ADAMTSL1: variants seen among roughly 807,000 people sequenced by gnomAD.
The protein encoded by ADAMTSL1 is ADAMTS like 1, also known as ADAMTS-like protein 1.
Under a neutral mutation model 201.8 loss-of-function variants are expected in ADAMTSL1, and 126 were observed. The ratio of observed to expected loss-of-function variants is 0.62; its 90% CI spans 0.54 to 0.72. The LOEUF is 0.72. ADAMTSL1 is among the 30% of genes least tolerant of loss of function. The pLI, the probability that ADAMTSL1 is intolerant of heterozygous loss-of-function variation, is 0.00. For missense variants in ADAMTSL1, 2,679 were observed against 2,277.8 expected, an observed-to-expected ratio of 1.18 and a Z score of -3.59; for synonymous variants, 1,121 against 903.4, an observed-to-expected ratio of 1.24 and a Z score of -4.32.
intron 2 of ADAMTSL1, among the ~76,000 whole-genome samples, chr9:18,393,651 G>A (rs1817625255): frequency 6.6e-6 from 1 of 152,200 alleles, no homozygotes; most frequent in African/African-American, 2.4e-5. Flanking sequence ...GAGGTGGCAA[G>A]GGCTAAGGCA....
intron 2 of ADAMTSL1, among the ~76,000 whole-genome samples, chr9:18,241,113 A>G (rs1831045111): frequency 6.6e-6 from 1 of 152,060 alleles, no homozygotes; most frequent in African/African-American, 2.4e-5. Context: ...TCCTTCAAGA[A>G]CTTTTCCTTT....
intron 5 of ADAMTSL1, among the ~76,000 whole-genome samples, chr9:18,634,372 T>C (rs879667514): frequency 4.6e-5 from 7 of 151,016 alleles, no homozygotes; most frequent in Admixed American, 6.6e-5. Flanking sequence ...AAGACAAGCG[T>C]GGGCAACATG....
intron 13 of ADAMTSL1, among the ~76,000 whole-genome samples, chr9:18,705,272 C>G (rs1230432492): frequency 6.6e-6 from 1 of 152,026 alleles, no homozygotes; most frequent in Non-Finnish European, 1.5e-5. Flanking sequence ...AGCACGACTC[C>G]CTGTGAGAAA....
intron 9 of ADAMTSL1, among the ~76,000 whole-genome samples, chr9:18,662,459 C>A (rs1431339922): frequency 6.6e-6 from 1 of 152,180 alleles, no homozygotes; most frequent in Non-Finnish European, 1.5e-5. Context: ...TATCTCTATT[C>A]CCGATCAGGG....
chr9:18,126,431 CT>C (rs34919474), intron 1 of ADAMTSL1, among the ~76,000 whole-genome samples: 9 of 152,112 alleles, frequency 5.9e-5, no homozygotes, highest in Admixed American at 5.9e-4. Flanking sequence ...GGTCCAATAC[CT>C]TTCTATATGC....
At chr9:18,472,150 A>G (rs1821240384), upstream of ADAMTSL1, among the ~76,000 whole-genome samples, 1 of 152,300 alleles carries the variant, frequency 6.6e-6, no homozygotes, top group Non-Finnish European at 1.5e-5. Context: ...GATAGGAGGG[A>G]AAAAAATAAA....
At chr9:18,256,625 C>T (rs1831699859) in intron 2 of ADAMTSL1, among the ~76,000 whole-genome samples, 2 of 152,190 alleles carry the variant, frequency 1.3e-5, no homozygotes, top group Admixed American at 1.3e-4. Flanking sequence ...ACCAAGGAGC[C>T]AGTGCTATAG....
intron 1 of ADAMTSL1, among the ~76,000 whole-genome samples, chr9:18,007,130 C>A (rs1029422972): frequency 3.3e-5 from 5 of 152,012 alleles, no homozygotes; most frequent in African/African-American, 4.8e-5. Flanking sequence ...AAGGGGAGAT[C>A]AGAATAAACA....
At chr9:18,512,693 T>A (rs1818106517) in intron 2 of ADAMTSL1, among the ~76,000 whole-genome samples, 2 of 152,188 alleles carry the variant, frequency 1.3e-5, no homozygotes, top group Non-Finnish European at 1.5e-5. Context: ...TTCCCCCAGT[T>A]CTATAAATAA....
At chr9:18,630,006 C>T (rs555491477) in intron 5 of ADAMTSL1, among the ~76,000 whole-genome samples, 5 of 151,966 alleles carry the variant, frequency 3.3e-5, no homozygotes, top group African/African-American at 1.2e-4. Context: ...TGTTTCTTTG[C>T]GTGCCTCATT....
At chr9:18,153,897 T>C (rs953320663) in intron 1 of ADAMTSL1, among the ~76,000 whole-genome samples, 16 of 151,956 alleles carry the variant, frequency 1.1e-4, no homozygotes, top group Admixed American at 5.3e-4. Flanking sequence ...TCCATTAAGA[T>C]GGAAATATCA....
chr9:17,952,772 C>G (rs1026189348), intron 1 of ADAMTSL1, among the ~76,000 whole-genome samples: 3 of 152,152 alleles, frequency 2.0e-5, no homozygotes, highest in African/African-American at 7.2e-5. Flanking sequence ...AGCCATCCAT[C>G]TGACTTGGCC....
intron 2 of ADAMTSL1, among the ~76,000 whole-genome samples, chr9:18,388,362 C>T (rs1382229168): frequency 1.3e-5 from 2 of 152,026 alleles, no homozygotes; most frequent in African/African-American, 2.4e-5. Flanking sequence ...CAGCCCTTAC[C>T]TCCTCGGTTC....
intron 1 of ADAMTSL1, among the ~76,000 whole-genome samples, chr9:17,928,842 A>G (rs1826660917): frequency 6.6e-6 from 1 of 152,204 alleles, no homozygotes. Context: ...ATGCAAACTA[A>G]TTGCACACAT....
intron 23 of ADAMTSL1, among the ~76,000 whole-genome samples, chr9:18,850,124 A>T (rs1195812485): frequency 6.6e-6 from 1 of 152,232 alleles, no homozygotes; most frequent in Non-Finnish European, 1.5e-5. Flanking sequence ...GCACCCAGGC[A>T]TGGGCTTATT....
rs572213228 is a variant in ADAMTSL1 at position 18,802,468 on chromosome 9, T to C, written c.3805+6944T>C. ...TTGATATTTTATATAATTAGAATCA[T>C]ACAGTATATGGTTCTTTATTTCTTC... On this transcript the variant is annotated intron_variant, in intron 20 of 28. Coordinates refer to ENST00000380548, the MANE Select transcript of ADAMTSL1 (RefSeq NM_001040272.6). Among the ~76,000 whole-genome samples, 139 of 152,336 alleles carry C rather than the reference T, an allele frequency of 9.1e-4. 1 individual carries two copies. The highest frequency in any genetic ancestry group is 5.0e-3 in the Admixed American group (76 of 15,304).
rs759338850 is a variant in ADAMTSL1 at position 18,137,424 on chromosome 9, G to A, written c.88-26438G>A. ...AATATTCATCTTTGGAAAACACATG[G>A]GGGTCTTCCAATCATTTAAAAAAAT... On this transcript the variant is annotated intron_variant, in intron 1 of 29. Transcript: ENST00000680146. Among the ~76,000 whole-genome samples, 69 of 152,094 alleles carry A rather than the reference G, an allele frequency of 4.5e-4. 1 individual carries two copies. Among genetic ancestry groups the A allele is most frequent in the Non-Finnish European group, 4.7e-4 (32 of 67,990 alleles).
intron 1 of ADAMTSL1, among the ~76,000 whole-genome samples, chr9:18,503,927 T>A (rs1822983513): frequency 1.3e-5 from 2 of 152,054 alleles, no homozygotes; most frequent in African/African-American, 4.8e-5. Flanking sequence ...CCGGCACTAG[T>A]TCTAGGTGGG....
intron 1 of ADAMTSL1, among the ~76,000 whole-genome samples, chr9:18,160,961 T>C (rs1211820863): frequency 6.6e-6 from 1 of 151,660 alleles, no homozygotes; most frequent in Non-Finnish European, 1.5e-5. Flanking sequence ...GTGCTGGGAT[T>C]ATAGGCATAA....
Sources: gnomAD v4.1 joint callset for allele counts (sites outside exome capture counted in the v4.1 genomes callset) on GRCh38, gnomAD v4.1.1 for gene constraint, MANE v1.5 for transcripts, NCBI Gene and HGNC (gene_info 2026-07-23, HGNC 2026-07-21) for gene names.